Variants in MAPT observed in about 807,000 individuals in gnomAD.
MAPT encodes the protein microtubule-associated protein tau.
In MAPT, 34 loss-of-function variants were observed where a neutral mutation model predicts 67.9. That is an observed-to-expected ratio of 0.50 (90% CI 0.38 to 0.67). The LOEUF (loss-of-function observed/expected upper bound fraction) is 0.67, where lower values mean the gene tolerates loss of function less well. MAPT is among the 30% of genes least tolerant of loss of function. The pLI is 0.00. For missense variants in MAPT, 881 were observed against 1,115.2 expected (o/e 0.79, Z 2.99); for synonymous variants, 456 against 464.5 (o/e 0.98, Z 0.23).
At chr17:45,923,723 G>A (rs1388539971) in intron 1 of MAPT, among the ~76,000 whole-genome samples, 1 of 152,208 alleles carries the variant, frequency 6.6e-6, no homozygotes, top group East Asian at 1.9e-4. Context: ...ACCTCTGGGA[G>A]GCTTATTTGC....
chr17:45,909,078 G>A (rs753144405), intron 1 of MAPT, among the ~76,000 whole-genome samples: 1 of 152,242 alleles, frequency 6.6e-6, no homozygotes, highest in Non-Finnish European at 1.5e-5. Context: ...GAGCTGCAGA[G>A]TGCGGGCACC....
intron 2 of MAPT, among the ~76,000 whole-genome samples, chr17:45,965,954 T>C (rs2071034302): frequency 6.6e-6 from 1 of 152,142 alleles, no homozygotes; most frequent in Non-Finnish European, 1.5e-5. Flanking sequence ...CCAGAGCAGG[T>C]CCATGGCTGC....
Position 45,990,018 on chromosome 17 carries a change from C to A in MAPT, c.1548C>A (p.Tyr516Ter). Residue 516 changes from tyrosine to a stop codon, truncating the protein, a stop_gained, in exon 7 of 13, where the codon TAC (tyrosine) becomes TAA (stop). Coordinates refer to ENST00000262410, the MANE Select transcript of MAPT (RefSeq NM_001377265.1). LOFTEE classifies it high-confidence loss of function. ...VCPEPPSSPK[Y>*]VSSVTSRTGS... ...CAGAGCCACCTTCCTCTCCTAAATA[C>A]GTCTCTTCTGTCACTTCCCGAACTG... 6.2e-7 allele frequency: 1 copy of A among 1,614,148 alleles called. No individual in the cohort carries two copies. Among genetic ancestry groups the A allele is most frequent in the East Asian group, 2.2e-5 (1 of 44,886 alleles).
intron 3 of MAPT, chr17:45,976,035 G>A (rs978411165): frequency 6.6e-6 from 1 of 152,276 alleles, no homozygotes; most frequent in Non-Finnish European, 1.5e-5. Context: ...CCTCGGCCCC[G>A]TGGGAGTCTG....
intron 5 of MAPT, among the ~76,000 whole-genome samples, 155 bp downstream of exon 5, chr17:45,984,085 TC>T (rs2073293690): frequency 6.6e-6 from 1 of 152,062 alleles, no homozygotes; most frequent in African/African-American, 2.4e-5. Flanking sequence ...GCTGCTCCAC[TC>T]CCTCGGCCTC....
intron 1 of MAPT, among the ~76,000 whole-genome samples, chr17:45,916,244 T>A (rs975621565): frequency 6.6e-6 from 1 of 152,246 alleles, no homozygotes; most frequent in Non-Finnish European, 1.5e-5. Flanking sequence ...ATGTTCCCAC[T>A]GGTCCTGAGA....
At position 45,983,100 on chromosome 17, in the gene MAPT, G is replaced by A; in HGVS notation, c.521G>A (p.Trp174Ter). 6.4e-7 allele frequency: 1 copy of A among 1,553,674 alleles called. No homozygotes were observed. The highest frequency in any genetic ancestry group is 8.7e-7 in the Non-Finnish European group (1 of 1,147,322). The change falls in exon 5 of 13, where the codon TGG becomes TAG. Residue 174 changes from tryptophan (W) to a stop codon, truncating the protein, a stop_gained. Transcript: ENST00000262410. LOFTEE classifies it high-confidence loss of function. ...TGGPQEPSLE[W>*]GQKGGDWAEK... ...GGCCCTCAGGAGCCCTCCCTGGAGT[G>A]GGGACAAAAAGGCGGGGACTGGGCC...
chr17:46,013,390 G>A (rs1205485184), intron 10 of MAPT, among the ~76,000 whole-genome samples: 2 of 152,234 alleles, frequency 1.3e-5, no homozygotes, highest in Non-Finnish European at 2.9e-5. Flanking sequence ...CCCCCACAGG[G>A]GAGCTGGTTC....
At chr17:46,006,854 C>T (rs1301888788) in intron 9 of MAPT, among the ~76,000 whole-genome samples, 2 of 151,604 alleles carry the variant, frequency 1.3e-5, no homozygotes, top group Non-Finnish European at 2.9e-5. Context: ...ACCCGGGAGG[C>T]GGAGCTTGCA....
chr17:45,933,611 G>GC lies in MAPT; in HGVS notation c.-17-28704dup, dbSNP rs1598019840. On this transcript the variant is annotated intron_variant, in intron 1 of 12. Coordinates refer to ENST00000262410, the MANE Select transcript of MAPT (RefSeq NM_001377265.1). ...CTGAGGCAGCTGCTCCCTTCACCTG[G>GC]CCCCCCGCATTGTGTTCCGGACCCT... is the stretch of plus-strand genomic sequence containing the variant. Among the ~76,000 whole-genome samples, 4 of 152,120 alleles carry GC rather than the reference G, an allele frequency of 2.6e-5. No individual in the cohort carries two copies. The East Asian group carries it at 7.7e-4, about 29-fold the overall frequency.
chr17:45,977,630 G>A (rs1209898001), intron 3 of MAPT: 1 of 152,186 alleles, frequency 6.6e-6, no homozygotes, highest in Non-Finnish European at 1.5e-5. Context: ...TTTCTTGTTT[G>A]GGGTGAGCTG....
chr17:46,010,386 T>C lies in MAPT; in HGVS notation c.2075T>C (p.Val692Ala). 6.3e-7 allele frequency: 1 copy of C among 1,576,866 alleles called. No individual in the cohort carries two copies. The highest frequency in any genetic ancestry group is 8.6e-7 in the Non-Finnish European group (1 of 1,160,082). The change falls in exon 10 of 13, where the codon GTC becomes GCC. Residue 692 changes from valine (V) to alanine (A), a missense_variant. By Grantham distance (64) the Val-to-Ala change is moderately conservative. Transcript: ENST00000262410. This position sits in a 1 kb window ranked among gnomAD's most constrained non-coding sequence, Gnocchi z 4.7. The part of the protein sequence containing the change: ...KCGSKDNIKH[V>A]PGGGSVQIVY... The stretch of plus-strand genomic sequence containing the variant: ...GGCTCAAAGGATAATATCAAACACG[T>C]CCCGGGAGGCGGCAGTGTGAGTACC...
rs9899833 is a variant in MAPT, at chr17:45,915,577, G to A, written c.-18+20891G>A. Among the ~76,000 whole-genome samples, 43,137 of 151,250 alleles carry A rather than the reference G, an allele frequency of 0.29. 6,516 individuals are homozygous for A. Among genetic ancestry groups the A allele is most frequent in the Middle Eastern group, 0.36 (102 of 284 alleles). ...TGTGTGTGTGGTGCATGTGTGTGGC[G>A]TGTGAGCGTGTGTGTGCATTGTGTC... On this transcript the variant is annotated intron_variant, in intron 1 of 12. Coordinates refer to ENST00000262410, the MANE Select transcript of MAPT (RefSeq NM_001377265.1). The surrounding 1 kb of genome is among the most constrained non-coding windows in gnomAD (Gnocchi z 4.4).
At chr17:45,921,401 T>C (rs767058) in intron 1 of MAPT, among the ~76,000 whole-genome samples, 21,872 of 152,200 alleles carry the variant, frequency 0.14, 2,147 homozygotes, top group Non-Finnish European at 0.22. Flanking sequence ...CCCACGCACA[T>C]TAGCAGCTCG....
At chr17:46,023,521 TATTA>T (rs1422421270) in intron 12 of MAPT, among the ~76,000 whole-genome samples, 1 of 151,944 alleles carries the variant, frequency 6.6e-6, no homozygotes, top group East Asian at 1.9e-4. Flanking sequence ...TGGGCACAGG[TATTA>T]CCAATTGGAA....
Position 45,983,947 on chromosome 17 carries a change from T to G in MAPT, c.1351+17T>G. 2.0e-6 allele frequency: 3 copies of G among 1,530,370 alleles called. No individual in the cohort carries two copies. The highest frequency in any genetic ancestry group is 2.6e-5 in the South Asian group (2 of 76,914). 94.8% of individuals were successfully genotyped at this position (1,530,370 alleles called of 1,614,324 possible). ...AACTCAAAGGTCTGTGTCTTGAGCT[T>G]CTTCGCTCCTTCCCTGGGGACCTCC... On this transcript the variant is annotated intron_variant, in intron 5 of 12. Transcript: ENST00000262410.
At chr17:45,950,553 C>G (rs1204993022) in intron 1 of MAPT, among the ~76,000 whole-genome samples, 1 of 152,190 alleles carries the variant, frequency 6.6e-6, no homozygotes, top group Non-Finnish European at 1.5e-5. Context: ...CACTCCCCTT[C>G]CTGCACACAC....
chr17:46,013,746 T>C (rs1017605890), intron 10 of MAPT, among the ~76,000 whole-genome samples: 13 of 152,186 alleles, frequency 8.5e-5, no homozygotes, highest in Admixed American at 8.5e-4. Context: ...TCACAGCGCC[T>C]CCCCTCTTTG....
chr17:45,947,389 T>C (rs556677553), intron 1 of MAPT, among the ~76,000 whole-genome samples: 3 of 150,824 alleles, frequency 2.0e-5, no homozygotes, highest in South Asian at 4.2e-4. Flanking sequence ...TTTTCTTTTT[T>C]TTTTTTTTTT....
Sources: allele counts gnomAD v4.1 joint callset (sites outside exome capture counted in the v4.1 genomes callset), GRCh38; gene constraint gnomAD v4.1.1; non-coding constraint Gnocchi (gnomAD v3.1); transcripts MANE v1.5; gene names NCBI Gene and HGNC (gene_info 2026-07-23, HGNC 2026-07-21).